Variants in SPC25 observed in about 807,000 individuals in gnomAD.
SPC25 encodes the protein SPC25 component of NDC80 kinetochore complex, also known as kinetochore protein Spc25.
Under a neutral mutation model 29.6 loss-of-function variants are expected in SPC25, and 22 were observed. That is an observed-to-expected ratio of 0.74 (90% CI 0.53 to 1.06). The LOEUF (loss-of-function observed/expected upper bound fraction) is 1.06, where lower values mean the gene tolerates loss of function less well. Ranked by LOEUF, SPC25 falls within the 50% of genes least tolerant of loss-of-function variation. The pLI, the probability that SPC25 is intolerant of heterozygous loss-of-function variation, is 0.00. For missense variants in SPC25, 230 were observed against 255.8 expected (o/e 0.90, Z 0.69); for synonymous variants, 91 against 90.4 (o/e 1.01, Z -0.04).
chr2:168,870,631 G>A (rs1446065099), downstream of SPC25, among the ~76,000 whole-genome samples: 2 of 151,562 alleles, frequency 1.3e-5, no homozygotes, highest in Non-Finnish European at 2.9e-5. Flanking sequence ...GGCCATCAGA[G>A]AAATGCAAAT....
downstream of SPC25, among the ~76,000 whole-genome samples, chr2:168,868,145 T>C (rs1689903413): frequency 2.0e-5 from 3 of 152,232 alleles, no homozygotes; most frequent in South Asian, 4.1e-4. Flanking sequence ...AAAGATGTTC[T>C]TTGTAACCAA....
chr2:168,870,155 T>C (rs1689951890), downstream of SPC25, among the ~76,000 whole-genome samples: 1 of 151,340 alleles, frequency 6.6e-6, no homozygotes, highest in South Asian at 2.1e-4. Context: ...GCTAGCCATA[T>C]GTAGAAAGCT....
chr2:168,872,923 A>G (rs1690019944), intron 6 of SPC25, among the ~76,000 whole-genome samples: 1 of 152,206 alleles, frequency 6.6e-6, no homozygotes, highest in Non-Finnish European at 1.5e-5. Context: ...AGATGATAGC[A>G]TAGGTGTAAT....
At chr2:168,869,198 GAT>G (rs1400268092), downstream of SPC25, among the ~76,000 whole-genome samples, 13 of 152,058 alleles carry the variant, frequency 8.5e-5, no homozygotes, top group African/African-American at 3.1e-4. Context: ...GTATTGATGG[GAT>G]GTATCTCAAA....
chr2:168,864,940 A>G, intron 4 of SPC25: 1 of 1,614,138 alleles, frequency 6.2e-7, no homozygotes, highest in Non-Finnish European at 8.5e-7. Flanking sequence ...AGTTACCTTC[A>G]AATGCTGGCA....
At chr2:168,864,567 C>G (rs1361660836) in intron 4 of SPC25, among the ~76,000 whole-genome samples, 5 of 152,154 alleles carry the variant, frequency 3.3e-5, no homozygotes, top group Admixed American at 6.6e-5. Flanking sequence ...TTACAGGCGT[C>G]ACCCACCACG....
intron 3 of SPC25, among the ~76,000 whole-genome samples, chr2:168,882,979 G>A (rs924797952): frequency 6.6e-6 from 1 of 152,042 alleles, no homozygotes; most frequent in African/African-American, 2.4e-5. Context: ...TAAAATAAAA[G>A]AGCCTTAAAA....
intron 4 of SPC25, among the ~76,000 whole-genome samples, chr2:168,861,636 T>A (rs772851114): frequency 6.6e-6 from 1 of 152,216 alleles, no homozygotes; most frequent in East Asian, 1.9e-4. Context: ...TATTTATACC[T>A]GAATGGCAAA....
intron 4 of SPC25, chr2:168,863,613 A>G: frequency 1.0e-6 from 1 of 985,254 alleles, no homozygotes; most frequent in Non-Finnish European, 1.2e-6. Context: ...AAAGTTGTCT[A>G]AGTTGTTGAA....
chr2:168,875,242 A>T (rs1690065475), intron 5 of SPC25, among the ~76,000 whole-genome samples: 1 of 152,180 alleles, frequency 6.6e-6, no homozygotes, highest in Non-Finnish European at 1.5e-5. Context: ...CACTATGTAA[A>T]CAGATGCTCC....
intron 6 of SPC25, among the ~76,000 whole-genome samples, chr2:168,872,676 T>C (rs1309250663): frequency 6.6e-6 from 1 of 152,170 alleles, no homozygotes; most frequent in Non-Finnish European, 1.5e-5. Flanking sequence ...CATAAGAGAA[T>C]ATCCAATTTA....
At chr2:168,877,602 T>C (rs898499968) in intron 3 of SPC25, among the ~76,000 whole-genome samples, 1 of 152,134 alleles carries the variant, frequency 6.6e-6, no homozygotes. Context: ...ACAGAAAAGC[T>C]TCTTAAAATG....
chr2:168,879,856 A>C (rs1328090106), intron 3 of SPC25, among the ~76,000 whole-genome samples: 3 of 152,190 alleles, frequency 2.0e-5, no homozygotes, highest in Non-Finnish European at 4.4e-5. Context: ...TGAAAACAAC[A>C]CTAATCTCCA....
chr2:168,872,589 A>G (rs548077432), intron 6 of SPC25, among the ~76,000 whole-genome samples: 2 of 152,286 alleles, frequency 1.3e-5, no homozygotes, highest in Middle Eastern at 3.4e-3. Context: ...CAGAGAAACA[A>G]CAGCAAAGGG....
At chr2:168,868,253 GA>G (rs1421084476), downstream of SPC25, among the ~76,000 whole-genome samples, 11 of 152,166 alleles carry the variant, frequency 7.2e-5, no homozygotes, top group African/African-American at 2.7e-4. Flanking sequence ...GAGAAAGCAG[GA>G]AAGATCCAAA....
At chr2:168,871,873 C>G (rs1199130498) in intron 6 of SPC25, among the ~76,000 whole-genome samples, 1 of 151,266 alleles carries the variant, frequency 6.6e-6, no homozygotes, top group Non-Finnish European at 1.5e-5. Context: ...TTTGTTTTAA[C>G]TATTTAAACT....
intron 4 of SPC25, chr2:168,863,584 T>C: frequency 1.0e-6 from 1 of 985,136 alleles, no homozygotes; most frequent in Non-Finnish European, 1.2e-6. Context: ...AAATATTGTC[T>C]CCAAATTGAT....
chr2:168,881,733 T>A (rs2105830801), intron 3 of SPC25, among the ~76,000 whole-genome samples: 1 of 152,356 alleles, frequency 6.6e-6, no homozygotes, highest in African/African-American at 2.4e-5. Context: ...TATACTGTCA[T>A]TTAATTCCAG....
chr2:168,878,388 A>C (rs536522756), intron 3 of SPC25, among the ~76,000 whole-genome samples: 1 of 152,254 alleles, frequency 6.6e-6, no homozygotes, highest in Non-Finnish European at 1.5e-5. Flanking sequence ...TTCAGCATCC[A>C]CTCCTGACTA....
Sources: gnomAD v4.1 joint callset for allele counts (sites outside exome capture counted in the v4.1 genomes callset) on GRCh38, gnomAD v4.1.1 for gene constraint, MANE v1.5 for transcripts, NCBI Gene and HGNC (gene_info 2026-07-23, HGNC 2026-07-21) for gene names.